The following ADAM10 variants were observed in gnomAD, a reference collection of about 807,000 sequenced individuals.
ADAM10 encodes ADAM metallopeptidase domain 10, also known as disintegrin and metalloproteinase domain-containing protein 10.
In ADAM10, 17 loss-of-function variants were observed where a neutral mutation model predicts 90.1. That is an observed-to-expected ratio of 0.19 (90% CI 0.13 to 0.28). The LOEUF (loss-of-function observed/expected upper bound fraction) is 0.28. Ranked by LOEUF, ADAM10 falls within the 10% of genes least tolerant of loss-of-function variation. The pLI is 1.00. For synonymous variants in ADAM10, 310 were observed against 298.6 expected (o/e 1.04, Z -0.40); for missense variants, 610 against 914.3 (o/e 0.67, Z 4.29).
intron 1 of ADAM10, chr15:58,748,218 G>A (rs1247390008): frequency 6.6e-6 from 1 of 152,166 alleles, no homozygotes; most frequent in East Asian, 1.9e-4. Flanking sequence ...ACCACCCTCG[G>A]ACTCGGTAGA....
At chr15:58,627,548 G>T in intron 10 of ADAM10, 152 bp downstream of exon 10, 1 of 687,738 alleles carries the variant, frequency 1.5e-6, no homozygotes, top group Non-Finnish European at 2.4e-6. Context: ...GAGATGGCAA[G>T]ATTAAGAAAT....
chr15:58,743,162 T>C (rs747430725), intron 1 of ADAM10, among the ~76,000 whole-genome samples: 19 of 152,078 alleles, frequency 1.2e-4, no homozygotes, highest in Non-Finnish European at 2.5e-4. Flanking sequence ...TTCCTACAAT[T>C]TGGAAGGCCT....
At chr15:58,646,942 C>A (rs914760537) in intron 5 of ADAM10, among the ~76,000 whole-genome samples, 1 of 152,190 alleles carries the variant, frequency 6.6e-6, no homozygotes, top group African/African-American at 2.4e-5. Flanking sequence ...ATCCTCCACA[C>A]ACAGTCTATC....
At chr15:58,653,825 T>C (rs559398728) in intron 5 of ADAM10, among the ~76,000 whole-genome samples, 18 of 152,308 alleles carry the variant, frequency 1.2e-4, no homozygotes, top group African/African-American at 4.1e-4. Flanking sequence ...AATTCAACAG[T>C]GAAGCCACTG....
At chr15:58,694,976 G>A (rs1169432533) in intron 2 of ADAM10, among the ~76,000 whole-genome samples, 2 of 152,136 alleles carry the variant, frequency 1.3e-5, no homozygotes, top group East Asian at 3.9e-4. Flanking sequence ...AGTTGCCTAA[G>A]TATATACATT....
At chr15:58,629,682 ATAAC>A (rs1318912979) in intron 9 of ADAM10, among the ~76,000 whole-genome samples, 2 of 152,360 alleles carry the variant, frequency 1.3e-5, no homozygotes, top group Admixed American at 1.3e-4. Context: ...ACCATGCACT[ATAAC>A]TATTAAAATT....
At chr15:58,643,052 T>G (rs1277250791) in intron 7 of ADAM10, among the ~76,000 whole-genome samples, 1 of 152,114 alleles carries the variant, frequency 6.6e-6, no homozygotes, top group African/African-American at 2.4e-5. Flanking sequence ...GGCAAATACT[T>G]TTGTGAAAGG....
At chr15:58,607,410 T>C (rs73424597) in intron 14 of ADAM10, among the ~76,000 whole-genome samples, 5,459 of 152,322 alleles carry the variant, frequency 0.036, 103 homozygotes, top group Middle Eastern at 0.054. Context: ...GTTTGGAAAA[T>C]GAAGTTTAAA....
chr15:58,673,284 A>G (rs541017756), intron 4 of ADAM10, among the ~76,000 whole-genome samples: 2 of 152,248 alleles, frequency 1.3e-5, no homozygotes, highest in South Asian at 4.1e-4. Context: ...TGCACAGCAC[A>G]AATGAGTTAT....
At chr15:58,614,832 C>T (rs935763816) in intron 11 of ADAM10, among the ~76,000 whole-genome samples, 1 of 152,080 alleles carries the variant, frequency 6.6e-6, no homozygotes, top group Non-Finnish European at 1.5e-5. Context: ...ACACCAACAC[C>T]GCCATTACCA....
At chr15:58,625,317 T>C (rs1895905127) in intron 10 of ADAM10, among the ~76,000 whole-genome samples, 1 of 151,884 alleles carries the variant, frequency 6.6e-6, no homozygotes, top group African/African-American at 2.4e-5. Context: ...AAGAAAAAAG[T>C]CCCACTAATG....
intron 1 of ADAM10, among the ~76,000 whole-genome samples, chr15:58,731,121 TAG>T (rs1899222429): frequency 6.6e-6 from 1 of 152,276 alleles, no homozygotes; most frequent in Admixed American, 6.5e-5. Context: ...CCCTCACTGA[TAG>T]AGTCAGTCCT....
intron 1 of ADAM10, among the ~76,000 whole-genome samples, chr15:58,729,044 T>C (rs148985208): frequency 1.3e-3 from 201 of 152,220 alleles, no homozygotes; most frequent in South Asian, 1.9e-3. Context: ...AAGGTCCAAT[T>C]CAACACTGAA....
intron 2 of ADAM10, among the ~76,000 whole-genome samples, chr15:58,706,038 C>G (rs1898277264): frequency 6.6e-6 from 1 of 152,218 alleles, no homozygotes; most frequent in Non-Finnish European, 1.5e-5. Context: ...AACCTATCCT[C>G]TGCAAACAAG....
chr15:58,675,418 T>C (rs1165812146), intron 4 of ADAM10, among the ~76,000 whole-genome samples: 3 of 152,226 alleles, frequency 2.0e-5, no homozygotes, highest in Non-Finnish European at 2.9e-5. Flanking sequence ...AAGGGAATTA[T>C]TGCAAGCAGT....
At chr15:58,627,286 A>G (rs1895975577) in intron 10 of ADAM10, among the ~76,000 whole-genome samples, 1 of 152,158 alleles carries the variant, frequency 6.6e-6, no homozygotes, top group African/African-American at 2.4e-5. Flanking sequence ...CTGATTGGGA[A>G]GGGTGATAAA....
chr15:58,711,968 G>C (rs1898488146), intron 2 of ADAM10, among the ~76,000 whole-genome samples: 2 of 152,036 alleles, frequency 1.3e-5, no homozygotes, highest in Middle Eastern at 3.4e-3. Flanking sequence ...TCAATGACAG[G>C]TGCAAACAAA....
intron 10 of ADAM10, 75 bp from the exon 11 acceptor site, chr15:58,621,696 GATC>G (rs1566970345): frequency 1.3e-6 from 2 of 1,563,318 alleles, no homozygotes; most frequent in Admixed American, 1.7e-5. Flanking sequence ...AAATTCTTTA[GATC>G]ATCATAACAA....
chr15:58,670,956 G>T (rs965433879), intron 4 of ADAM10, among the ~76,000 whole-genome samples: 3 of 152,050 alleles, frequency 2.0e-5, no homozygotes, highest in Non-Finnish European at 4.4e-5. Flanking sequence ...TGAAGAAAAT[G>T]AGACCAAGAA....
Sources: gnomAD v4.1 joint callset for allele counts (sites outside exome capture counted in the v4.1 genomes callset) on GRCh38, gnomAD v4.1.1 for gene constraint, MANE v1.5 for transcripts, NCBI Gene and HGNC (gene_info 2026-07-23, HGNC 2026-07-21) for gene names.